CDK14: variants seen among roughly 807,000 people sequenced by gnomAD.
CDK14 encodes cyclin dependent kinase 14, also known as cyclin-dependent kinase 14.
In CDK14, 34 loss-of-function variants were observed where a neutral mutation model predicts 60.7. The observed-to-expected ratio is 0.56, with a 90% confidence interval of 0.43 to 0.75. The LOEUF (loss-of-function observed/expected upper bound fraction) is 0.75, where lower values mean the gene tolerates loss of function less well. CDK14 is among the 30% of genes least tolerant of loss of function. The pLI, the probability that CDK14 is intolerant of heterozygous loss-of-function variation, is 0.00. For missense variants in CDK14, 482 were observed against 564.1 expected (o/e 0.85, Z 1.47); for synonymous variants, 197 against 203.7 (o/e 0.97, Z 0.28).
In CDK14 at chr7:90,618,957, G is replaced by A. The variant is rs148123956; in HGVS notation, c.123+14708G>A. Among the ~76,000 whole-genome samples, 10 of 152,246 alleles carry A rather than the reference G, an allele frequency of 6.6e-5. No homozygotes were observed. The East Asian group carries it at 1.5e-3, about 23-fold the overall frequency. On this transcript the variant is annotated intron_variant, in intron 2 of 14. Transcript: ENST00000380050. ...GCAGGGAAGTAAAAATCTCAAGAGAGCAGAATCAGTTTTCCGGTCACCAAG... is the reference window on the plus strand; with the variant it reads ...GCAGGGAAGTAAAAATCTCAAGAGAACAGAATCAGTTTTCCGGTCACCAAG...
intron 2 of CDK14, among the ~76,000 whole-genome samples, chr7:90,671,302 C>A (rs969181755): frequency 7.1e-6 from 1 of 141,494 alleles, no homozygotes; most frequent in South Asian, 2.3e-4. Flanking sequence ...TTTTTTTTTT[C>A]TTTTTTCGGG....
chr7:90,759,973 T>C (rs945998156), intron 4 of CDK14, among the ~76,000 whole-genome samples: 1 of 152,194 alleles, frequency 6.6e-6, no homozygotes, highest in Non-Finnish European at 1.5e-5. Flanking sequence ...GTGCCAGCCA[T>C]AAATTGTTAT....
At position 91,167,140 on chromosome 7, in the gene CDK14, G is replaced by A. The variant is rs1801370489; in HGVS notation, c.*29-40025G>A. ...GAAAGCCACAAAGCTGTTATATACA[G>A]CTCTATCTATGCCTATTTGTATTTC... On this transcript the variant is annotated intron_variant, in intron 14 of 14. Transcript: ENST00000380050. Among the ~76,000 whole-genome samples, 4 of 152,154 alleles carry A rather than the reference G, an allele frequency of 2.6e-5. No individual in the cohort carries two copies. In the South Asian group the frequency reaches 8.3e-4, roughly 32 times the overall value.
At chr7:90,768,060 A>G (rs1804638068) in intron 4 of CDK14, among the ~76,000 whole-genome samples, 1 of 152,246 alleles carries the variant, frequency 6.6e-6, no homozygotes, top group African/African-American at 2.4e-5. Context: ...GTCAGATACA[A>G]CTTTCTTAAA....
intron 5 of CDK14, among the ~76,000 whole-genome samples, chr7:90,805,932 G>A (rs1289049620): frequency 2.6e-5 from 4 of 152,168 alleles, no homozygotes; most frequent in Admixed American, 2.6e-4. Context: ...GTATGTTATA[G>A]TTGTGAAAAT....
chr7:90,653,327 C>A (rs1308446092), intron 2 of CDK14, among the ~76,000 whole-genome samples: 1 of 152,066 alleles, frequency 6.6e-6, no homozygotes, highest in Non-Finnish European at 1.5e-5. Context: ...ATTGGAATTA[C>A]CTCTGTGACC....
intron 13 of CDK14, among the ~76,000 whole-genome samples, chr7:91,114,239 G>A (rs1285091759): frequency 2.0e-5 from 3 of 152,102 alleles, no homozygotes; most frequent in African/African-American, 7.2e-5. Flanking sequence ...TATGAATTCT[G>A]AATTCTGTAG....
intron 14 of CDK14, among the ~76,000 whole-genome samples, chr7:91,185,474 CACTT>C (rs1315211389): frequency 6.6e-6 from 1 of 152,052 alleles, no homozygotes; most frequent in African/African-American, 2.4e-5. Context: ...CTCATAATCT[CACTT>C]ACCATATAGA....
intron 8 of CDK14, 141 bp downstream of exon 8, chr7:90,917,865 T>C (rs1793128029): frequency 1.3e-6 from 1 of 782,172 alleles, no homozygotes; most frequent in Admixed American, 2.9e-5. Flanking sequence ...AAGGATTTTT[T>C]CTTTTTTTTA....
At chr7:90,767,636 T>A (rs1804617747) in intron 4 of CDK14, among the ~76,000 whole-genome samples, 1 of 152,184 alleles carries the variant, frequency 6.6e-6, no homozygotes, top group African/African-American at 2.4e-5. Context: ...TTTGATGGGC[T>A]CCATTTCTCT....
chr7:90,792,508 C>G (rs1805873236), intron 5 of CDK14, among the ~76,000 whole-genome samples: 1 of 152,136 alleles, frequency 6.6e-6, no homozygotes, highest in South Asian at 2.1e-4. Context: ...AACTCATGAT[C>G]CTCCCACTAT....
Position 91,123,756 on chromosome 7 carries a change from G to A in CDK14, c.*28+5548G>A, listed in dbSNP as rs141877238. 6.0e-3 allele frequency among the ~76,000 whole-genome samples: 911 copies of A among 152,072 alleles called. 16 individuals are homozygous for A. The highest frequency in any genetic ancestry group is 0.021 in the African/African-American group (867 of 41,476). On this transcript the variant is annotated intron_variant, in intron 14 of 14. Transcript: ENST00000380050. Reference sequence around the variant, plus strand: ...CTTTTCTTTGGGTCAACTCTGATCTGTACTGTGCACCACTACCACCCTAAC... The same window carrying A: ...CTTTTCTTTGGGTCAACTCTGATCTATACTGTGCACCACTACCACCCTAAC...
chr7:90,661,860 T>C (rs1241664374), intron 2 of CDK14, among the ~76,000 whole-genome samples: 1 of 131,164 alleles, frequency 7.6e-6, no homozygotes, highest in Non-Finnish European at 1.6e-5. Context: ...ATTCATACGG[T>C]GCCCTACCCA....
At position 91,049,836 on chromosome 7, in the gene CDK14, G is replaced by C. The variant is rs186940657; in HGVS notation, c.1105+3876G>C. On this transcript the variant is annotated intron_variant, in intron 11 of 14. Coordinates refer to ENST00000380050, the MANE Select transcript of CDK14 (RefSeq NM_001287135.2). Reference sequence around the variant, plus strand: ...GAACAAAAAGCAAATGATCCTTACAGGGAGAGACATATAGTAAGTGAAATA... The same window carrying C: ...GAACAAAAAGCAAATGATCCTTACACGGAGAGACATATAGTAAGTGAAATA... Among the ~76,000 whole-genome samples, 559 of 152,290 alleles carry C rather than the reference G, an allele frequency of 3.7e-3. 6 individuals are homozygous for C. The highest frequency in any genetic ancestry group is 0.012 in the African/African-American group (503 of 41,546).
rs1035887880 is a variant in CDK14, at chr7:91,207,810, A to T, written c.*674A>T. 1.3e-5 allele frequency: 2 copies of T among 152,684 alleles called. No homozygotes were observed. Among genetic ancestry groups the T allele is most frequent in the Non-Finnish European group, 2.9e-5 (2 of 68,046 alleles). 9.5% of individuals were successfully genotyped at this position (152,684 alleles called of 1,614,324 possible). A position where few individuals can be genotyped will look rare whatever the true frequency, so the allele number is the denominator to read the frequency against. ...GCTTAGCATTTTCAAGCCACATAGCATGACTGTTTTTTGAATAGGTTGGAA... is the reference window on the plus strand; with the variant it reads ...GCTTAGCATTTTCAAGCCACATAGCTTGACTGTTTTTTGAATAGGTTGGAA... On this transcript the variant is annotated 3_prime_UTR_variant, in exon 15 of 15. Coordinates refer to ENST00000380050, the MANE Select transcript of CDK14 (RefSeq NM_001287135.2).
At position 90,955,704 on chromosome 7, in the gene CDK14, A is replaced by C. The variant is rs753726306; in HGVS notation, c.834A>C (p.Ala278=). The C allele has an allele frequency of 2.5e-6, 4 of 1,613,298 alleles. No individual in the cohort carries two copies. In the East Asian group the frequency reaches 6.7e-5, roughly 27 times the overall value. Reference sequence around the variant, plus strand: ...GTTTCATATAACCCACAGGTCTTGCAAGAGCAAAATCCGTCCCTAGCCACA... The same window carrying C: ...GTTTCATATAACCCACAGGTCTTGCCAGAGCAAAATCCGTCCCTAGCCACA... ...GELKLADFGL[A]RAKSVPSHTY... is the part of the protein sequence containing the mutation. The change falls in exon 9 of 15, where the codon GCA becomes GCC. Residue 278 remains alanine (A), a synonymous_variant. Coordinates refer to ENST00000380050, the MANE Select transcript of CDK14 (RefSeq NM_001287135.2).
chr7:91,105,826 CT>C (rs1799279245), intron 12 of CDK14, among the ~76,000 whole-genome samples: 1 of 152,104 alleles, frequency 6.6e-6, no homozygotes, highest in African/African-American at 2.4e-5. Context: ...ATATAAAAAA[CT>C]TAAGAGACTA....
At chr7:90,614,756 GT>G (rs1799615332) in intron 2 of CDK14, among the ~76,000 whole-genome samples, 2 of 151,998 alleles carry the variant, frequency 1.3e-5, no homozygotes, top group Middle Eastern at 3.4e-3. Flanking sequence ...CTGTCTTTTA[GT>G]TTTATTTTAT....
At chr7:90,817,295 G>A (rs1425188766) in intron 5 of CDK14, among the ~76,000 whole-genome samples, 1 of 152,118 alleles carries the variant, frequency 6.6e-6, no homozygotes, top group East Asian at 1.9e-4. Flanking sequence ...TTTCAGTCAA[G>A]TCCTTGAGTA....
Sources: allele counts gnomAD v4.1 joint callset (sites outside exome capture counted in the v4.1 genomes callset), GRCh38; gene constraint gnomAD v4.1.1; transcripts MANE v1.5; gene names NCBI Gene and HGNC (gene_info 2026-07-23, HGNC 2026-07-21).